CNTNAP4: variants seen among roughly 807,000 people sequenced by gnomAD.
CNTNAP4 encodes the protein contactin-associated protein-like 4.
Under a neutral mutation model 148.4 loss-of-function variants are expected in CNTNAP4, and 98 were observed. The ratio of observed to expected loss-of-function variants is 0.66; its 90% CI spans 0.56 to 0.78. The LOEUF (loss-of-function observed/expected upper bound fraction) is 0.78, where lower values mean the gene tolerates loss of function less well. CNTNAP4 is among the 30% of genes least tolerant of loss of function. The pLI, the probability that CNTNAP4 is intolerant of heterozygous loss-of-function variation, is 0.00. For synonymous variants in CNTNAP4, 730 were observed against 565.1 expected (o/e 1.29, Z -4.14); for missense variants, 1,935 against 1,565.6 (o/e 1.24, Z -3.98).
intron 2 of CNTNAP4, among the ~76,000 whole-genome samples, chr16:76,332,915 C>G (rs563662585): frequency 6.6e-6 from 1 of 152,066 alleles, no homozygotes; most frequent in Non-Finnish European, 1.5e-5. Context: ...GTTAGTGGTA[C>G]GGGCCAGATA....
intron 3 of CNTNAP4, among the ~76,000 whole-genome samples, chr16:76,402,089 G>T (rs1185670979): frequency 3.3e-5 from 5 of 152,060 alleles, no homozygotes; most frequent in African/African-American, 9.7e-5. Context: ...TTCCTCCTCA[G>T]TTTTTTGGAA....
intron 2 of CNTNAP4, among the ~76,000 whole-genome samples, chr16:76,334,857 A>C (rs1963882253): frequency 6.6e-6 from 1 of 152,114 alleles, no homozygotes; most frequent in African/African-American, 2.4e-5. Context: ...GCTCCTGCCT[A>C]GATAAGAGCA....
chr16:76,307,891 C>G (rs1399919775), intron 1 of CNTNAP4, among the ~76,000 whole-genome samples: 4 of 152,158 alleles, frequency 2.6e-5, no homozygotes, highest in African/African-American at 9.7e-5. Context: ...CAGGCTATAA[C>G]TTGGAGCATG....
intron 10 of CNTNAP4, among the ~76,000 whole-genome samples, chr16:76,475,135 C>G (rs550802382): frequency 6.6e-6 from 1 of 151,944 alleles, no homozygotes; most frequent in South Asian, 2.1e-4. Context: ...TGAGATTGTG[C>G]CACTGCACAC....
At chr16:76,503,799 A>G (rs994697703) in intron 15 of CNTNAP4, among the ~76,000 whole-genome samples, 1 of 151,396 alleles carries the variant, frequency 6.6e-6, no homozygotes, top group African/African-American at 2.4e-5. Context: ...TGTCTTTGCG[A>G]TAGTTTGCTG....
chr16:76,376,907 T>TGTGTGTGTG (rs2015471306), intron 3 of CNTNAP4, among the ~76,000 whole-genome samples: 135 of 143,542 alleles, frequency 9.4e-4, no homozygotes, highest in African/African-American at 3.2e-3. Context: ...CTAACAAGGT[T>TGTGTGTGTG]TGTGTGTGTG....
chr16:76,437,530 G>A (rs1326793659), intron 4 of CNTNAP4, among the ~76,000 whole-genome samples: 1 of 152,056 alleles, frequency 6.6e-6, no homozygotes, highest in East Asian at 1.9e-4. Context: ...TATCAAAAAG[G>A]ATAGTAACTG....
At position 76,548,295 on chromosome 16, in the gene CNTNAP4, C is replaced by CATTTTTTTTTTTTTT. The variant is rs759580311; in HGVS notation, c.3443-4988_3443-4987insATTTTTTTTTTTTTT. 6.5e-5 allele frequency among the ~76,000 whole-genome samples: 6 copies of CATTTTTTTTTTTTTT among 92,908 alleles called. 1 individual carries two copies. Among genetic ancestry groups the CATTTTTTTTTTTTTT allele is most frequent in the Admixed American group, 1.3e-4 (1 of 7,674 alleles). 61.0% of individuals were successfully genotyped at this position (92,908 alleles called of 152,430 possible). On this transcript the variant is annotated intron_variant, in intron 21 of 23. Coordinates refer to ENST00000611870, the MANE Select transcript of CNTNAP4 (RefSeq NM_033401.5). ...CCCTGGCTCTCTTGATTCACTGCAC[C>CATTTTTTTTTTTTTT]TTTTTTTTTTTTTTTTTTTTTTTTG...
At chr16:76,510,976 C>T (rs537844318) in intron 15 of CNTNAP4, among the ~76,000 whole-genome samples, 1 of 152,120 alleles carries the variant, frequency 6.6e-6, no homozygotes, top group South Asian at 2.1e-4. Flanking sequence ...CCTTAAAGGT[C>T]ACTAATTTAA....
chr16:76,448,004 G>A lies in CNTNAP4; in HGVS notation c.539-8G>A. ...CCTTAGAATGCCTTCTACTATCTTTGTTTCTAGGATCAGAAGTGGTTGATC... is the reference window on the plus strand; with the variant it reads ...CCTTAGAATGCCTTCTACTATCTTTATTTCTAGGATCAGAAGTGGTTGATC... On this transcript the variant is annotated splice_polypyrimidine_tract_variant and splice_region_variant and intron_variant, in intron 4 of 23. Transcript: ENST00000611870. 1 of 1,602,104 alleles carries A rather than the reference G, an allele frequency of 6.2e-7. No homozygotes were observed. The highest frequency in any genetic ancestry group is 1.1e-5 in the South Asian group (1 of 90,634).
At chr16:76,482,133 A>G (rs1354804462) in intron 12 of CNTNAP4, among the ~76,000 whole-genome samples, 1 of 151,972 alleles carries the variant, frequency 6.6e-6, no homozygotes, top group East Asian at 1.9e-4. Context: ...ATGGGTGGAA[A>G]AGAGTGATGA....
Position 76,524,703 on chromosome 16 carries a change from G to T in CNTNAP4, c.2755+2446G>T, listed in dbSNP as rs147366461. Among the ~76,000 whole-genome samples the T allele has an allele frequency of 2.0e-5, 3 of 152,178 alleles. No homozygotes were observed. In the East Asian group the frequency reaches 5.8e-4, roughly 29 times the overall value. On this transcript the variant is annotated intron_variant, in intron 17 of 23. Transcript: ENST00000611870. Reference sequence around the variant, plus strand: ...TCTGAAAGATTTTGTCTTCATGGAGGCAATTGGTTAGGCCTTTGACCTCAC... The same window carrying T: ...TCTGAAAGATTTTGTCTTCATGGAGTCAATTGGTTAGGCCTTTGACCTCAC...
At chr16:76,402,109 T>C (rs2078440054) in intron 3 of CNTNAP4, among the ~76,000 whole-genome samples, 1 of 152,160 alleles carries the variant, frequency 6.6e-6, no homozygotes, top group Non-Finnish European at 1.5e-5. Context: ...AATCATATCA[T>C]TGGGAATGGT....
intron 3 of CNTNAP4, among the ~76,000 whole-genome samples, chr16:76,385,740 T>C (rs932653286): frequency 1.3e-5 from 2 of 152,184 alleles, no homozygotes; most frequent in African/African-American, 4.8e-5. Flanking sequence ...GTTTTACGTA[T>C]GTTTCTGTTT....
At chr16:76,398,888 G>T (rs1352277033) in intron 3 of CNTNAP4, among the ~76,000 whole-genome samples, 3 of 151,992 alleles carry the variant, frequency 2.0e-5, no homozygotes, top group African/African-American at 7.3e-5. Flanking sequence ...GTTTGGCTGT[G>T]TCCTCACCCA....
intron 4 of CNTNAP4, among the ~76,000 whole-genome samples, chr16:76,431,383 TA>T (rs2079598640): frequency 6.6e-6 from 1 of 152,012 alleles, no homozygotes; most frequent in African/African-American, 2.4e-5. Flanking sequence ...CAGCAATCAG[TA>T]AAGGGGGAGG....
chr16:76,503,262 T>G (rs1458365750), intron 15 of CNTNAP4, among the ~76,000 whole-genome samples: 1 of 152,110 alleles, frequency 6.6e-6, no homozygotes, highest in African/African-American at 2.4e-5. Flanking sequence ...TCCTAGCACA[T>G]GTAATAAGTC....
intron 3 of CNTNAP4, among the ~76,000 whole-genome samples, chr16:76,403,978 G>C (rs2078510290): frequency 6.6e-6 from 1 of 152,136 alleles, no homozygotes; most frequent in Admixed American, 6.6e-5. Flanking sequence ...GTTCTTATAA[G>C]TGGAAGCTAA....
chr16:76,491,134 C>T (rs1285119910), intron 13 of CNTNAP4, among the ~76,000 whole-genome samples: 1 of 152,132 alleles, frequency 6.6e-6, no homozygotes, highest in Non-Finnish European at 1.5e-5. Context: ...CCTTGCCCTT[C>T]TTCTCCTCTT....
Sources: allele counts gnomAD v4.1 joint callset (sites outside exome capture counted in the v4.1 genomes callset), GRCh38; gene constraint gnomAD v4.1.1; transcripts MANE v1.5; gene names NCBI Gene and HGNC (gene_info 2026-07-23, HGNC 2026-07-21).